The following DLG2 variants were observed in gnomAD, a reference collection of about 807,000 sequenced individuals.
The protein encoded by DLG2 is discs large MAGUK scaffold protein 2, also known as disks large homolog 2.
In DLG2, 45 loss-of-function variants were observed where a neutral mutation model predicts 132.5. The observed-to-expected ratio is 0.34, with a 90% CI of 0.27 to 0.44. The LOEUF is 0.44. DLG2 is among the 20% of genes least tolerant of loss of function. The pLI is 1.00. For synonymous variants in DLG2, 424 were observed against 419.6 expected (o/e 1.01, Z -0.13); for missense variants, 1,045 against 1,196.9 (o/e 0.87, Z 1.87).
At position 85,072,094 on chromosome 11, in the gene DLG2, C is replaced by T. The variant is rs905686520; in HGVS notation, c.357+39567G>A. On this transcript the variant is annotated intron_variant, in intron 6 of 27. Coordinates refer to ENST00000376104, the MANE Select transcript of DLG2 (RefSeq NM_001142699.3). Reference sequence around the variant, plus strand: ...ACATGAATACAAAATGATGTGTATTCCCTCTTCAGTTCATTGTCCTCATTG... The same window carrying T: ...ACATGAATACAAAATGATGTGTATTTCCTCTTCAGTTCATTGTCCTCATTG... 2.2e-4 allele frequency among the ~76,000 whole-genome samples: 33 copies of T among 151,816 alleles called. 1 individual carries two copies. The highest frequency in any genetic ancestry group is 7.7e-4 in the African/African-American group (32 of 41,390).
At chr11:85,367,434 T>A (rs1329390108) in intron 3 of DLG2, among the ~76,000 whole-genome samples, 1 of 152,180 alleles carries the variant, frequency 6.6e-6, no homozygotes, top group Non-Finnish European at 1.5e-5. Context: ...AGTTAATTCA[T>A]TTAAAGTGTT....
intron 19 of DLG2, among the ~76,000 whole-genome samples, chr11:83,543,095 A>T (rs1275964061): frequency 6.6e-6 from 1 of 152,146 alleles, no homozygotes; most frequent in Admixed American, 6.6e-5. Flanking sequence ...GCTCTCAAAC[A>T]CAGCAGGAAA....
At chr11:85,382,576 T>G (rs1596710464) in intron 3 of DLG2, among the ~76,000 whole-genome samples, 1 of 151,936 alleles carries the variant, frequency 6.6e-6, no homozygotes, top group Admixed American at 6.6e-5. Flanking sequence ...CGATGAAAAA[T>G]AACATTTGCA....
intron 6 of DLG2, among the ~76,000 whole-genome samples, chr11:84,613,051 C>T (rs2099598105): frequency 6.6e-6 from 1 of 152,116 alleles, no homozygotes; most frequent in African/African-American, 2.4e-5. Context: ...TGTTGAACAA[C>T]TCTGTCCTGC....
At chr11:84,007,865 A>C (rs1396701021) in intron 11 of DLG2, among the ~76,000 whole-genome samples, 1 of 151,780 alleles carries the variant, frequency 6.6e-6, no homozygotes, top group Non-Finnish European at 1.5e-5. Flanking sequence ...TATCACAGTG[A>C]GAATTAATTA....
At chr11:85,134,298 G>C (rs1252817292) in intron 5 of DLG2, among the ~76,000 whole-genome samples, 1 of 149,336 alleles carries the variant, frequency 6.7e-6, no homozygotes, top group Non-Finnish European at 1.5e-5. Context: ...GGGAGGCCGA[G>C]GCGGGCGGAT....
chr11:83,617,158 T>A (rs11233698), intron 19 of DLG2, among the ~76,000 whole-genome samples: 33,104 of 152,144 alleles, frequency 0.22, 3,925 homozygotes, highest in African/African-American at 0.29. Context: ...TCACTTTGTC[T>A]AATCTATCAC....
intron 10 of DLG2, among the ~76,000 whole-genome samples, chr11:84,092,966 G>A (rs1162334750): frequency 6.6e-6 from 1 of 151,522 alleles, no homozygotes; most frequent in Non-Finnish European, 1.5e-5. Flanking sequence ...AACCCAGAAG[G>A]CGGAGGTGGC....
chr11:83,656,738 T>G (rs963679580), intron 18 of DLG2, among the ~76,000 whole-genome samples: 1 of 152,218 alleles, frequency 6.6e-6, no homozygotes, highest in Non-Finnish European at 1.5e-5. Flanking sequence ...TGTTGTACTT[T>G]AGATATCACT....
chr11:85,071,321 C>T (rs183387215), intron 6 of DLG2, among the ~76,000 whole-genome samples: 1 of 151,924 alleles, frequency 6.6e-6, no homozygotes, highest in African/African-American at 2.4e-5. Flanking sequence ...GGAGATTACC[C>T]TGGTTGCATA....
chr11:85,296,651 T>G (rs1457727154), intron 3 of DLG2, among the ~76,000 whole-genome samples: 1 of 151,286 alleles, frequency 6.6e-6, no homozygotes, highest in African/African-American at 2.4e-5. Flanking sequence ...CAACTATCAC[T>G]TGAAAAAAGT....
chr11:84,549,865 C>T (rs1359883150), intron 6 of DLG2, among the ~76,000 whole-genome samples: 14 of 152,010 alleles, frequency 9.2e-5, no homozygotes, highest in Admixed American at 9.2e-4. Flanking sequence ...GAGATTCTCC[C>T]ACCTCAGACT....
intron 10 of DLG2, among the ~76,000 whole-genome samples, chr11:84,073,914 C>A (rs1380063366): frequency 6.6e-6 from 1 of 152,062 alleles, no homozygotes; most frequent in Non-Finnish European, 1.5e-5. Context: ...TATACGTACG[C>A]AGGGAAAATA....
chr11:85,006,760 T>A (rs943326683), intron 6 of DLG2, among the ~76,000 whole-genome samples: 13 of 152,072 alleles, frequency 8.5e-5, no homozygotes. Context: ...TCATTTCTTG[T>A]CTTCTGCTAG....
chr11:83,865,446 T>C (rs374340371), intron 16 of DLG2, among the ~76,000 whole-genome samples: 16 of 135,194 alleles, frequency 1.2e-4, no homozygotes, highest in East Asian at 1.1e-3. Flanking sequence ...GGTATCTTCA[T>C]GGTGAACAGC....
At chr11:85,450,790 T>C (rs1040353010) in intron 3 of DLG2, among the ~76,000 whole-genome samples, 3 of 152,212 alleles carry the variant, frequency 2.0e-5, no homozygotes, top group Non-Finnish European at 4.4e-5. Context: ...TTCGGTGGAA[T>C]TGAACTATCT....
chr11:83,628,543 A>G (rs1438659858), intron 19 of DLG2, among the ~76,000 whole-genome samples: 1 of 152,164 alleles, frequency 6.6e-6, no homozygotes, highest in Admixed American at 6.6e-5. Flanking sequence ...AAATGGAGGC[A>G]ATATCCCCTG....
chr11:84,735,737 A>C (rs1024352974), intron 6 of DLG2, among the ~76,000 whole-genome samples: 2 of 151,880 alleles, frequency 1.3e-5, no homozygotes, highest in Middle Eastern at 3.2e-3. Flanking sequence ...TTAGGGTGTC[A>C]ATTTGAGATC....
chr11:84,601,436 C>T (rs2099576344), intron 6 of DLG2, among the ~76,000 whole-genome samples: 3 of 152,040 alleles, frequency 2.0e-5, no homozygotes, highest in African/African-American at 7.2e-5. Flanking sequence ...GAGCTTTAAT[C>T]CAACAATCAT....
Sources: allele counts gnomAD v4.1 joint callset (sites outside exome capture counted in the v4.1 genomes callset), GRCh38; gene constraint gnomAD v4.1.1; transcripts MANE v1.5; gene names NCBI Gene and HGNC (gene_info 2026-07-23, HGNC 2026-07-21).